ANKRD44: variants seen among roughly 807,000 people sequenced by gnomAD.
ANKRD44 encodes the protein ankyrin repeat domain 44.
A neutral mutation model predicts 116.0 loss-of-function variants in ANKRD44; 35 were observed. The ratio of observed to expected loss-of-function variants is 0.30; its 90% CI spans 0.23 to 0.40. The LOEUF (loss-of-function observed/expected upper bound fraction) is 0.40. Ranked by LOEUF, ANKRD44 falls within the 10% of genes least tolerant of loss-of-function variation. The pLI is 1.00. For missense variants in ANKRD44, 1,014 were observed against 1,242.6 expected, an observed-to-expected ratio of 0.82 and a Z score of 2.77; for synonymous variants, 435 against 461.8, an observed-to-expected ratio of 0.94 and a Z score of 0.74.
At chr2:197,145,341 G>A (rs983537088) in intron 3 of ANKRD44, among the ~76,000 whole-genome samples, 1 of 151,698 alleles carries the variant, frequency 6.6e-6, no homozygotes, top group Non-Finnish European at 1.5e-5. Flanking sequence ...AAAAAGAGGC[G>A]GGTATAGCTG....
chr2:196,986,552 T>C, downstream of ANKRD44: 2 of 323,124 alleles, frequency 6.2e-6, no homozygotes, highest in Non-Finnish European at 8.9e-6. Flanking sequence ...GGAGATACAC[T>C]TTTATCTTGA....
chr2:197,233,204 G>A (rs775888294), intron 1 of ANKRD44, among the ~76,000 whole-genome samples: 1 of 151,990 alleles, frequency 6.6e-6, no homozygotes, highest in Admixed American at 6.6e-5. Flanking sequence ...ATTTTCTCTA[G>A]GACTGCTTAC....
intron 16 of ANKRD44, among the ~76,000 whole-genome samples, chr2:197,061,060 G>A (rs191349132): frequency 6.6e-6 from 1 of 152,276 alleles, no homozygotes; most frequent in South Asian, 2.1e-4. Context: ...TATGTATCTG[G>A]ACTATATGGT....
intron 8 of ANKRD44, among the ~76,000 whole-genome samples, chr2:197,119,846 C>T (rs2078810656): frequency 6.6e-6 from 1 of 152,174 alleles, no homozygotes; most frequent in Non-Finnish European, 1.5e-5. Flanking sequence ...AATCTAAATG[C>T]ATTCAAGTGA....
At chr2:197,084,555 C>A (rs1574425003) in intron 13 of ANKRD44, among the ~76,000 whole-genome samples, 2 of 152,136 alleles carry the variant, frequency 1.3e-5, no homozygotes, top group Admixed American at 1.3e-4. Context: ...AAATCAGAAG[C>A]CCTGGGTTCT....
chr2:197,306,392 C>T (rs762616498), intron 1 of ANKRD44, among the ~76,000 whole-genome samples: 3 of 152,148 alleles, frequency 2.0e-5, no homozygotes, highest in Non-Finnish European at 4.4e-5. Flanking sequence ...ACACCACCAC[C>T]TACCTCCTAG....
intron 2 of ANKRD44, among the ~76,000 whole-genome samples, chr2:197,166,984 T>G (rs2080115481): frequency 6.6e-6 from 1 of 152,248 alleles, no homozygotes; most frequent in Non-Finnish European, 1.5e-5. Context: ...ACATCATAAG[T>G]GACAGGTCTA....
At chr2:197,004,806 G>A (rs2076173832) in intron 21 of ANKRD44, among the ~76,000 whole-genome samples, 1 of 152,066 alleles carries the variant, frequency 6.6e-6, no homozygotes. Flanking sequence ...ATATGGACAT[G>A]CACATTGCTG....
intron 16 of ANKRD44, among the ~76,000 whole-genome samples, chr2:197,073,473 C>T (rs1473421299): frequency 5.3e-5 from 8 of 152,152 alleles, no homozygotes; most frequent in African/African-American, 1.9e-4. Context: ...ATACTTTGAC[C>T]CATCATTTCT....
intron 1 of ANKRD44, among the ~76,000 whole-genome samples, chr2:197,231,712 A>T (rs1200282531): frequency 5.3e-5 from 8 of 151,824 alleles, no homozygotes; most frequent in Non-Finnish European, 1.5e-5. Context: ...ACAGCAAAGA[A>T]TTATCTGGCC....
At chr2:197,060,464 T>C (rs532366425) in intron 16 of ANKRD44, among the ~76,000 whole-genome samples, 2 of 152,324 alleles carry the variant, frequency 1.3e-5, no homozygotes, top group Non-Finnish European at 2.9e-5. Flanking sequence ...TATGTGTACA[T>C]TGTGAAATGA....
In ANKRD44 at chr2:197,253,159, T is replaced by C. The variant is rs773881338; in HGVS notation, c.27+57419A>G. Among the ~76,000 whole-genome samples, 214 of 152,330 alleles carry C rather than the reference T, an allele frequency of 1.4e-3. 1 individual carries two copies. The highest frequency in any genetic ancestry group is 2.9e-4 in the Non-Finnish European group (20 of 68,026). Reference sequence around the variant, plus strand: ...CTCCTGTATAACGATGGTACAACCATGAGTAATTTTATTTTTTCAAGCTTT... The same window carrying C: ...CTCCTGTATAACGATGGTACAACCACGAGTAATTTTATTTTTTCAAGCTTT... On this transcript the variant is annotated intron_variant, in intron 1 of 27. Coordinates refer to ENST00000282272, the MANE Select transcript of ANKRD44 (RefSeq NM_001195144.2).
chr2:196,975,112 C>A (rs528180483), intron 21 of ANKRD44, among the ~76,000 whole-genome samples: 5 of 151,984 alleles, frequency 3.3e-5, no homozygotes, highest in South Asian at 2.1e-4. Flanking sequence ...TTAGTCAAAT[C>A]AGAAATGAAA....
chr2:197,088,816 C>T, intron 11 of ANKRD44, 42 bp from the exon 12 acceptor site: 1 of 1,601,550 alleles, frequency 6.2e-7, no homozygotes, highest in Non-Finnish European at 8.5e-7. Context: ...GGATACTATG[C>T]TATACTTTTG....
At chr2:197,300,591 CTG>C (rs1353779549) in intron 1 of ANKRD44, among the ~76,000 whole-genome samples, 2 of 152,110 alleles carry the variant, frequency 1.3e-5, no homozygotes, top group Non-Finnish European at 2.9e-5. Context: ...TCTAACTAGA[CTG>C]TGAGCTCCAT....
intron 2 of ANKRD44, among the ~76,000 whole-genome samples, chr2:197,155,761 G>T (rs1253348905): frequency 6.6e-6 from 1 of 152,160 alleles, no homozygotes; most frequent in East Asian, 1.9e-4. Flanking sequence ...GTTAAGCAAA[G>T]ATTTCTTAGA....
intron 1 of ANKRD44, among the ~76,000 whole-genome samples, chr2:197,272,591 G>C (rs2082931801): frequency 6.6e-6 from 1 of 152,208 alleles, no homozygotes; most frequent in Non-Finnish European, 1.5e-5. Flanking sequence ...AGCCCAAATG[G>C]ACTAATACAA....
intron 16 of ANKRD44, among the ~76,000 whole-genome samples, chr2:197,035,228 A>G (rs889088846): frequency 2.0e-5 from 3 of 152,200 alleles, no homozygotes; most frequent in African/African-American, 7.2e-5. Flanking sequence ...CATAAATATA[A>G]CACTTGAGCT....
chr2:197,276,989 G>A (rs533959071), intron 1 of ANKRD44, among the ~76,000 whole-genome samples: 7 of 150,222 alleles, frequency 4.7e-5, no homozygotes, highest in African/African-American at 1.5e-4. Context: ...GTACAGCGGC[G>A]CAATCTCGGC....
Sources: allele counts gnomAD v4.1 joint callset (sites outside exome capture counted in the v4.1 genomes callset), GRCh38; gene constraint gnomAD v4.1.1; transcripts MANE v1.5; gene names NCBI Gene and HGNC (gene_info 2026-07-23, HGNC 2026-07-21).